The following USP9X variants were observed in gnomAD, a reference collection of about 807,000 sequenced individuals.
USP9X encodes the protein ubiquitin carboxyl-terminal hydrolase 9X.
USP9X carries 7 observed loss-of-function variants against 190.3 expected under a neutral mutation model. The observed-to-expected ratio is 0.04, with a 90% CI of 0.02 to 0.07. The LOEUF (loss-of-function observed/expected upper bound fraction) is 0.07, where lower values mean the gene tolerates loss of function less well. Among genes scored for constraint, USP9X ranks in the 10% least tolerant of loss-of-function variants. The pLI, the probability that USP9X is intolerant of heterozygous loss-of-function variation, is 1.00. For synonymous variants in USP9X, 645 were observed against 659.5 expected (o/e 0.98, Z 0.34); for missense variants, 1,010 against 1,916.9 (o/e 0.53, Z 8.83).
chrX:41,145,452 C>CT (rs2062456219), intron 11 of USP9X, among the ~76,000 whole-genome samples: 1 of 111,581 alleles, frequency 9.0e-6, no homozygotes, highest in African/African-American at 3.3e-5. Flanking sequence ...AAAAAACCTG[C>CT]TATGTAGGAT....
chrX:41,197,331 T>TGCCCCCCCCCCCC, intron 28 of USP9X, 33 bp from the exon 29 acceptor site: 1 of 486,767 alleles, frequency 2.1e-6, no homozygotes, highest in Non-Finnish European at 2.9e-6. Context: ...TTTGATTTCT[T>TGCCCCCCCCCCCC]CCCCCCCCCA....
chrX:41,093,475 G>A (rs111597370), intron 1 of USP9X, among the ~76,000 whole-genome samples: 14,831 of 111,644 alleles, frequency 0.13, 895 homozygotes, highest in East Asian at 0.22. Flanking sequence ...CTCCTGAGTA[G>A]CTGGGATTAC....
chrX:41,121,743 G>A lies in USP9X; in HGVS notation c.-158-1728G>A, dbSNP rs185582040. Among the ~76,000 whole-genome samples, 354 of 111,228 alleles carry A rather than the reference G, an allele frequency of 3.2e-3. 6 individuals carry two copies. The highest frequency in any genetic ancestry group is 0.03 in the Admixed American group (313 of 10,478). Reference sequence around the variant, plus strand: ...ATTTTTTGCAAAGTTCTGATGCCTAGGCCTTACTCCCAGATACTGTAATTT... The same window carrying A: ...ATTTTTTGCAAAGTTCTGATGCCTAAGCCTTACTCCCAGATACTGTAATTT... On this transcript the variant is annotated intron_variant, in intron 1 of 44. Transcript: ENST00000378308.
chrX:41,153,614 A>G (rs900837120), intron 14 of USP9X, among the ~76,000 whole-genome samples: 1 of 111,936 alleles, frequency 8.9e-6, no homozygotes, highest in African/African-American at 3.2e-5. Flanking sequence ...TGTGATTTCA[A>G]CAGATCCTGA....
At chrX:41,094,642 T>A (rs1164275292) in intron 1 of USP9X, among the ~76,000 whole-genome samples, 2 of 110,877 alleles carry the variant, frequency 1.8e-5, no homozygotes, top group African/African-American at 6.7e-5. Context: ...TTAGTACGCC[T>A]TATCCATAAT....
At chrX:41,133,138 G>A (rs779365956) in intron 4 of USP9X, among the ~76,000 whole-genome samples, 1 of 111,790 alleles carries the variant, frequency 8.9e-6, no homozygotes, top group South Asian at 3.6e-4. Context: ...TCAACTCCAT[G>A]GCAAGGGAAA....
intron 23 of USP9X, 109 bp from the exon 24 acceptor site, chrX:41,186,408 A>T (rs2062876081): frequency 1.1e-6 from 1 of 896,090 alleles, no homozygotes; most frequent in Non-Finnish European, 1.6e-6. Context: ...TATAATGTGT[A>T]TATGCAAGGA....
intron 1 of USP9X, among the ~76,000 whole-genome samples, chrX:41,106,144 C>T (rs1475936565): frequency 8.9e-6 from 1 of 111,854 alleles, no homozygotes; most frequent in Non-Finnish European, 1.9e-5. Context: ...GATAAAGTCC[C>T]ATTTAACTAT....
At position 41,189,453 on chromosome X, in the gene USP9X, T is replaced by C. The variant is rs1243922076; in HGVS notation, c.3955T>C (p.Leu1319=). The change falls in exon 26 of 45, where the codon TTA becomes CTA. Residue 1319 remains leucine, a synonymous_variant. Transcript: ENST00000378308. ...GGCTTGGCAGACATTCATCATTGAC[T>C]TACTATTGCACTGTCACAGCAAGTA... ...EKAWQTFIID[L]LLHCHSKTVR... 2 of 1,209,621 alleles carry C rather than the reference T, an allele frequency of 1.7e-6. No homozygotes were observed. Among genetic ancestry groups the C allele is most frequent in the Admixed American group, 4.4e-5 (2 of 45,661 alleles).
intron 1 of USP9X, among the ~76,000 whole-genome samples, chrX:41,094,605 GAATTCATTGATTT>G (rs1447959322): frequency 9.0e-6 from 1 of 111,547 alleles, no homozygotes; most frequent in Admixed American, 9.5e-5. Context: ...TGATTGAATT[GAATTCATTGATTT>G]AATATAGATT....
At chrX:41,106,520 TA>T (rs1372158431) in intron 1 of USP9X, among the ~76,000 whole-genome samples, 1 of 94,020 alleles carries the variant, frequency 1.1e-5, no homozygotes, top group African/African-American at 4.0e-5. Flanking sequence ...ATTTCTGAAT[TA>T]ATTTTTTTTT....
chrX:41,175,788 A>AAT (rs1415590317), intron 21 of USP9X, among the ~76,000 whole-genome samples: 3 of 98,919 alleles, frequency 3.0e-5, no homozygotes, highest in South Asian at 8.6e-4. Flanking sequence ...CACACACATG[A>AAT]ATATATATAT....
At chrX:41,205,622 T>A in intron 32 of USP9X, 129 bp downstream of exon 32, 1 of 597,060 alleles carries the variant, frequency 1.7e-6, no homozygotes, top group Non-Finnish European at 2.3e-6. Context: ...AAACTGTCCT[T>A]AATTGGGTGG....
chrX:41,136,014 T>C (rs1056229029), intron 5 of USP9X, among the ~76,000 whole-genome samples: 2 of 112,157 alleles, frequency 1.8e-5, no homozygotes, highest in African/African-American at 6.5e-5. Context: ...TTCCCAAATA[T>C]GACCATAGCA....
chrX:41,147,175 GT>G lies in USP9X; in HGVS notation c.1420-1180del, dbSNP rs758775108. Among the ~76,000 whole-genome samples the G allele has an allele frequency of 3.2e-3, 324 of 100,087 alleles. 1 individual carries two copies. Among genetic ancestry groups the G allele is most frequent in the African/African-American group, 8.4e-3 (233 of 27,769 alleles). The allele number at this position is 100,087 out of a possible 115,157, so 86.9% of individuals were successfully genotyped here. A position where few individuals can be genotyped will look rare whatever the true frequency, so the allele number is the denominator to read the frequency against. On this transcript the variant is annotated intron_variant, in intron 11 of 44. Transcript: ENST00000378308. ...TCTGTCAATAGTTTTGATACAGAAG[GT>G]TTTTTTTTTTTTTAATTTTACTAGA...
At chrX:41,188,200 ATTT>A in intron 25 of USP9X, 83 bp downstream of exon 25, 4 of 931,043 alleles carry the variant, frequency 4.3e-6, no homozygotes, top group Non-Finnish European at 4.3e-6. Flanking sequence ...TAGCTTTGCT[ATTT>A]TTAAAAATTG....
intron 41 of USP9X, among the ~76,000 whole-genome samples, chrX:41,228,266 C>T (rs1455876297): frequency 1.8e-5 from 2 of 112,467 alleles, no homozygotes; most frequent in South Asian, 7.3e-4. Context: ...ATATACACCA[C>T]ATTTTATTTA....
Position 41,169,986 on chromosome X carries a change from T to C in USP9X, c.2637-9T>C, listed in dbSNP as rs996273459. 8 of 1,207,194 alleles carry C rather than the reference T, an allele frequency of 6.6e-6. No individual in the cohort carries two copies. Among genetic ancestry groups the C allele is most frequent in the African/African-American group, 5.3e-5 (3 of 57,090 alleles). ...ATATGATGATGTCTGTCTTTCTTTT[T>C]CCCCCCAGAGCATTCCGCGGTAAAC... On this transcript the variant is annotated splice_polypyrimidine_tract_variant and intron_variant, in intron 18 of 44. Coordinates refer to ENST00000378308, the MANE Select transcript of USP9X (RefSeq NM_001039591.3).
chrX:41,195,489 G>A (rs1421049950), intron 26 of USP9X, among the ~76,000 whole-genome samples: 7 of 111,542 alleles, frequency 6.3e-5, no homozygotes, highest in Admixed American at 1.9e-4. Context: ...TGATGTTGCT[G>A]CTCTGGGGAC....
Sources: gnomAD v4.1 joint callset for allele counts (sites outside exome capture counted in the v4.1 genomes callset) on GRCh38, gnomAD v4.1.1 for gene constraint, MANE v1.5 for transcripts, NCBI Gene and HGNC (gene_info 2026-07-23, HGNC 2026-07-21) for gene names.